The following KCNK2 variants were observed in gnomAD, a reference collection of about 807,000 sequenced individuals.
KCNK2 encodes the protein potassium two pore domain channel subfamily K member 2.
In KCNK2, 21 loss-of-function variants were observed where a neutral mutation model predicts 40.5. The ratio of observed to expected loss-of-function variants is 0.52; its 90% CI spans 0.37 to 0.75. The LOEUF (loss-of-function observed/expected upper bound fraction) is 0.75. Ranked by LOEUF, KCNK2 falls within the 30% of genes least tolerant of loss-of-function variation. The pLI is 0.00. For synonymous variants in KCNK2, 191 were observed against 202.2 expected, an observed-to-expected ratio of 0.94 and a Z score of 0.47; for missense variants, 399 against 531.6, an observed-to-expected ratio of 0.75 and a Z score of 2.45.
intron 2 of KCNK2, among the ~76,000 whole-genome samples, chr1:215,121,807 G>A (rs1307336166): frequency 6.6e-6 from 1 of 152,062 alleles, no homozygotes; most frequent in African/African-American, 2.4e-5. Context: ...TATGTATTTT[G>A]TTTTAGAGAC....
At chr1:215,013,268 C>T (rs1381224841) in intron 1 of KCNK2, among the ~76,000 whole-genome samples, 2 of 152,182 alleles carry the variant, frequency 1.3e-5, no homozygotes, top group South Asian at 2.1e-4. Context: ...ATTGCCTTTG[C>T]ACTTGTACTA....
intron 3 of KCNK2, among the ~76,000 whole-genome samples, chr1:215,136,357 C>T (rs998843130): frequency 1.3e-5 from 2 of 151,972 alleles, no homozygotes; most frequent in African/African-American, 4.8e-5. Context: ...GTCGGCCTCT[C>T]AAAGTGCTAG....
intron 1 of KCNK2, among the ~76,000 whole-genome samples, chr1:215,059,705 C>A (rs988753155): frequency 2.4e-4 from 36 of 151,774 alleles, no homozygotes; most frequent in African/African-American, 8.5e-4. Flanking sequence ...TATTTGTGGG[C>A]AAAAAGAAGA....
intron 1 of KCNK2, among the ~76,000 whole-genome samples, chr1:215,057,566 A>G (rs961915797): frequency 6.6e-6 from 1 of 152,182 alleles, no homozygotes; most frequent in African/African-American, 2.4e-5. Flanking sequence ...TCCACCACTG[A>G]AGTTCTTTCT....
intron 1 of KCNK2, among the ~76,000 whole-genome samples, chr1:215,039,655 C>A (rs2102491553): frequency 6.6e-6 from 1 of 152,194 alleles, no homozygotes; most frequent in African/African-American, 2.4e-5. Context: ...CCTCAGAAAC[C>A]AAACACAATT....
At chr1:215,046,216 A>G (rs1422329093) in intron 1 of KCNK2, among the ~76,000 whole-genome samples, 1 of 152,170 alleles carries the variant, frequency 6.6e-6, no homozygotes, top group Non-Finnish European at 1.5e-5. Flanking sequence ...TGATTTGGAA[A>G]ATATGATTTG....
chr1:215,226,378 C>T (rs1015829056), intron 6 of KCNK2, among the ~76,000 whole-genome samples: 4 of 152,114 alleles, frequency 2.6e-5, no homozygotes, highest in South Asian at 2.1e-4. Flanking sequence ...CAAGCTGGAG[C>T]GCAGTGGCGT....
At chr1:215,126,488 A>C (rs1452478430) in intron 3 of KCNK2, among the ~76,000 whole-genome samples, 1 of 152,148 alleles carries the variant, frequency 6.6e-6, no homozygotes, top group Non-Finnish European at 1.5e-5. Context: ...AGAGTCTAGA[A>C]GAAAAAAAGC....
Position 215,086,654 on chromosome 1 carries a change from G to A in KCNK2, c.333G>A (p.Ser111=), listed in dbSNP as rs369674780. The change falls in exon 2 of 7, where the codon TCG becomes TCA. Residue 111 remains serine (S), a synonymous_variant. Transcript: ENST00000444842. ...TFISQHSCVN[S]TELDELIQQI... ...TATCCCAACATTCCTGTGTCAATTC[G>A]ACGGAGCTGGATGAACTCATTCAGG... 35 of 1,613,818 alleles carry A rather than the reference G, an allele frequency of 2.2e-5. No homozygotes were observed. The highest frequency in any genetic ancestry group is 2.9e-5 in the Non-Finnish European group (34 of 1,179,902).
upstream of KCNK2, among the ~76,000 whole-genome samples, chr1:215,080,166 G>T (rs529784298): frequency 6.6e-6 from 1 of 152,120 alleles, no homozygotes; most frequent in Non-Finnish European, 1.5e-5. Context: ...AAACAGAAGC[G>T]CTATGCAAGC....
At chr1:215,173,969 G>A (rs1326092676) in intron 5 of KCNK2, among the ~76,000 whole-genome samples, 2 of 152,180 alleles carry the variant, frequency 1.3e-5, no homozygotes, top group African/African-American at 4.8e-5. Context: ...AAGCTCTTGA[G>A]TTTAATTAGA....
intron 2 of KCNK2, among the ~76,000 whole-genome samples, chr1:215,096,270 G>A (rs1659973239): frequency 6.6e-6 from 1 of 151,660 alleles, no homozygotes; most frequent in African/African-American, 2.4e-5. Context: ...ACGTATGCAT[G>A]CCATTTTGCT....
intron 2 of KCNK2, among the ~76,000 whole-genome samples, chr1:215,099,026 A>T (rs1660098032): frequency 6.6e-6 from 1 of 151,888 alleles, no homozygotes; most frequent in African/African-American, 2.4e-5. Context: ...TCTAACTTTT[A>T]TTTTAAGCTC....
chr1:215,007,037 A>ATATATGTGTG (rs1330420661), intron 1 of KCNK2, among the ~76,000 whole-genome samples: 5 of 51,596 alleles, frequency 9.7e-5, no homozygotes, highest in Non-Finnish European at 1.3e-4. Flanking sequence ...ATATATATAT[A>ATATATGTGTG]TGTGTGTGTG....
intron 1 of KCNK2, among the ~76,000 whole-genome samples, chr1:215,049,877 T>A (rs1004634978): frequency 1.3e-5 from 2 of 152,120 alleles, no homozygotes; most frequent in African/African-American, 4.8e-5. Flanking sequence ...TATCCTTCCA[T>A]CAATATCACC....
chr1:215,159,373 A>G (rs1323339244), intron 3 of KCNK2, among the ~76,000 whole-genome samples: 3 of 152,044 alleles, frequency 2.0e-5, no homozygotes, highest in Admixed American at 2.0e-4. Context: ...GATTGTTTAC[A>G]ATTTGTGGAG....
chr1:215,027,375 G>C (rs1228282066), intron 1 of KCNK2, among the ~76,000 whole-genome samples: 5 of 151,886 alleles, frequency 3.3e-5, no homozygotes, highest in Non-Finnish European at 7.4e-5. Context: ...ATTGAGTCTT[G>C]GTTTTGGTAA....
At chr1:215,028,569 C>T (rs188957561) in intron 1 of KCNK2, among the ~76,000 whole-genome samples, 12 of 152,090 alleles carry the variant, frequency 7.9e-5, no homozygotes, top group Middle Eastern at 3.4e-3. Flanking sequence ...CTTATGAAGC[C>T]TACTAACCTA....
chr1:215,132,893 T>G (rs980817572), intron 3 of KCNK2, among the ~76,000 whole-genome samples: 8 of 152,206 alleles, frequency 5.3e-5, no homozygotes, highest in African/African-American at 1.9e-4. Flanking sequence ...TGAAATAGAT[T>G]AGTCTTCTCT....
Sources: gnomAD v4.1 joint callset for allele counts (sites outside exome capture counted in the v4.1 genomes callset) on GRCh38, gnomAD v4.1.1 for gene constraint, MANE v1.5 for transcripts, NCBI Gene and HGNC (gene_info 2026-07-23, HGNC 2026-07-21) for gene names.